The following STEAP3 variants were observed in gnomAD, a reference collection of about 807,000 sequenced individuals.
STEAP3 encodes the protein metalloreductase STEAP3.
Under a neutral mutation model 34.9 loss-of-function variants are expected in STEAP3, and 35 were observed. That is an observed-to-expected ratio of 1.00 (90% CI 0.76 to 1.33). STEAP3 has a LOEUF of 1.33. STEAP3 is among the 40% of genes most tolerant of loss of function. The pLI is 0.00. For missense variants in STEAP3, 652 were observed against 667.6 expected (o/e 0.98, Z 0.26); for synonymous variants, 281 against 301.6 (o/e 0.93, Z 0.71).
intron 5 of STEAP3, among the ~76,000 whole-genome samples, chr2:119,258,032 G>T (rs528754045): frequency 6.6e-6 from 1 of 152,268 alleles, no homozygotes; most frequent in South Asian, 2.1e-4. Context: ...TATACTTATT[G>T]TTACTTCTTG....
intron 1 of STEAP3, among the ~76,000 whole-genome samples, chr2:119,224,306 T>C (rs1678968845): frequency 6.6e-6 from 1 of 152,108 alleles, no homozygotes; most frequent in Non-Finnish European, 1.5e-5. Flanking sequence ...TCTTCCAGGC[T>C]CTTCCTCGCC....
chr2:119,236,761 C>G (rs1253989916), intron 2 of STEAP3, among the ~76,000 whole-genome samples: 1 of 152,164 alleles, frequency 6.6e-6, no homozygotes, highest in Non-Finnish European at 1.5e-5. Context: ...GGTGCCTCCC[C>G]CACTCCCCCT....
Position 119,230,946 on chromosome 2 carries a change from A to T in STEAP3, c.-67A>T. On this transcript the variant is annotated 5_prime_UTR_variant, in exon 2 of 6. Transcript: ENST00000393110. ...TGTCCTGGTTGGAGACTGAGCCAGAAAGGGTGGCTCACCTCACGGTGAGGC... is the reference window on the plus strand; with the variant it reads ...TGTCCTGGTTGGAGACTGAGCCAGATAGGGTGGCTCACCTCACGGTGAGGC... 3 of 1,605,120 alleles carry T rather than the reference A, an allele frequency of 1.9e-6. No individual in the cohort carries two copies. Among genetic ancestry groups the T allele is most frequent in the Non-Finnish European group, 2.6e-6 (3 of 1,171,796 alleles).
At position 119,262,969 on chromosome 2, in the gene STEAP3, C is replaced by T; in HGVS notation, c.1216-88C>T. ...GAGTACTAAAGCCACCCTCCTTCCC[C>T]TCCGCCAGGCCAGCAGATGAGTCGT... On this transcript the variant is annotated intron_variant, in intron 5 of 5. Coordinates refer to ENST00000393110, the MANE Select transcript of STEAP3 (RefSeq NM_182915.3). 3.2e-6 allele frequency: 5 copies of T among 1,550,746 alleles called. No homozygotes were observed. In the South Asian group the frequency reaches 6.0e-5, roughly 19 times the overall value.
At chr2:119,246,092 C>G (rs1677417331) in intron 3 of STEAP3, 104 bp downstream of exon 3, 2 of 1,404,308 alleles carry the variant, frequency 1.4e-6, no homozygotes, top group Non-Finnish European at 1.9e-6. Flanking sequence ...CATAACTAAT[C>G]CTGCATCACT....
chr2:119,238,072 G>A (rs1234235032), intron 2 of STEAP3, among the ~76,000 whole-genome samples: 1 of 152,202 alleles, frequency 6.6e-6, no homozygotes, highest in East Asian at 1.9e-4. Context: ...CTCAGTTGAT[G>A]GACGTTTGAA....
chr2:119,229,576 A>G (rs1679151023), intron 1 of STEAP3, among the ~76,000 whole-genome samples: 1 of 152,248 alleles, frequency 6.6e-6, no homozygotes, highest in South Asian at 2.1e-4. Context: ...TCACACAGCT[A>G]GCACATGGCT....
chr2:119,241,724 T>C (rs184430541), intron 2 of STEAP3, among the ~76,000 whole-genome samples: 1 of 152,304 alleles, frequency 6.6e-6, no homozygotes, highest in African/African-American at 2.4e-5. Context: ...ATCAGCTCCC[T>C]GGAAGGGAGC....
intron 1 of STEAP3, among the ~76,000 whole-genome samples, chr2:119,229,350 G>T (rs371442069): frequency 7.2e-5 from 11 of 152,326 alleles, no homozygotes; most frequent in African/African-American, 2.6e-4. Context: ...AGCGATGTGA[G>T]GGGCTGTGAG....
intron 2 of STEAP3, chr2:119,244,305 G>A (rs551496768): frequency 1.3e-5 from 2 of 151,634 alleles, no homozygotes; most frequent in Non-Finnish European, 2.9e-5. Context: ...GTTCAGTGGT[G>A]CGATCACTTC....
intron 4 of STEAP3, among the ~76,000 whole-genome samples, chr2:119,253,867 C>T (rs1313676017): frequency 6.6e-6 from 1 of 152,078 alleles, no homozygotes; most frequent in African/African-American, 2.4e-5. Flanking sequence ...GGGCAGGTAT[C>T]TTTATTTTCT....
chr2:119,230,761 G>A lies in STEAP3; in HGVS notation c.-252G>A, dbSNP rs901887259. 5 of 584,786 alleles carry A rather than the reference G, an allele frequency of 8.6e-6. No homozygotes were observed. The highest frequency in any genetic ancestry group is 2.8e-5 in the East Asian group (1 of 35,174). The allele number at this position is 584,786 out of a possible 1,614,324, so 36.2% of individuals were successfully genotyped here. On this transcript the variant is annotated 5_prime_UTR_variant, in exon 2 of 6. Coordinates refer to ENST00000393110, the MANE Select transcript of STEAP3 (RefSeq NM_182915.3). The stretch of plus-strand genomic sequence containing the variant: ...GCAGGAAGCAGCAGGCCAGAGCTGC[G>A]CTCTCTCAGTGCACTCTCCAACCAA...
intron 1 of STEAP3, among the ~76,000 whole-genome samples, chr2:119,224,674 G>A (rs1678983970): frequency 6.6e-6 from 1 of 152,198 alleles, no homozygotes; most frequent in African/African-American, 2.4e-5. Context: ...GCACAGAGAG[G>A]CCTCCCAAAT....
At chr2:119,245,339 T>G (rs1677377996) in intron 2 of STEAP3, 150 bp from the exon 3 acceptor site, 1 of 1,143,226 alleles carries the variant, frequency 8.7e-7, no homozygotes, top group East Asian at 2.4e-5. Context: ...TTCAGCTTGT[T>G]CCCCTGGTGC....
At chr2:119,248,337 T>C in intron 4 of STEAP3, 131 bp downstream of exon 4, 1 of 1,050,108 alleles carries the variant, frequency 9.5e-7, no homozygotes, top group Non-Finnish European at 1.3e-6. Context: ...CAGATTCTGT[T>C]CCAATGGGGC....
chr2:119,234,637 G>A (rs967294056), intron 2 of STEAP3, among the ~76,000 whole-genome samples: 1 of 152,232 alleles, frequency 6.6e-6, no homozygotes, highest in Non-Finnish European at 1.5e-5. Context: ...TACACAGCAG[G>A]TACTCTGGGA....
chr2:119,252,211 A>T (rs977480008), intron 4 of STEAP3, among the ~76,000 whole-genome samples: 2 of 152,236 alleles, frequency 1.3e-5, no homozygotes, highest in Non-Finnish European at 2.9e-5. Context: ...CATGCTACTC[A>T]TTCCACAAAC....
intron 5 of STEAP3, among the ~76,000 whole-genome samples, chr2:119,256,070 G>A (rs1677765067): frequency 6.6e-6 from 1 of 152,156 alleles, no homozygotes; most frequent in Non-Finnish European, 1.5e-5. Flanking sequence ...TTGTAACAGG[G>A]CAGAGAACAG....
chr2:119,260,566 G>A (rs987185842), intron 5 of STEAP3, among the ~76,000 whole-genome samples: 2 of 152,176 alleles, frequency 1.3e-5, no homozygotes, highest in East Asian at 1.9e-4. Flanking sequence ...AAAGTGCTGG[G>A]ATTACAGGCG....
Sources: allele counts gnomAD v4.1 joint callset (sites outside exome capture counted in the v4.1 genomes callset), GRCh38; gene constraint gnomAD v4.1.1; transcripts MANE v1.5; gene names NCBI Gene and HGNC (gene_info 2026-07-23, HGNC 2026-07-21).